NRXN3: variants seen among roughly 807,000 people sequenced by gnomAD.
The protein encoded by NRXN3 is neurexin 3.
In NRXN3, 32 loss-of-function variants were observed where a neutral mutation model predicts 137.6. The observed-to-expected ratio is 0.23, with a 90% CI of 0.18 to 0.31. NRXN3 has a LOEUF of 0.31. NRXN3 is among the 10% of genes least tolerant of loss of function. NRXN3 has a pLI of 1.00. For synonymous variants in NRXN3, 798 were observed against 784.5 expected, an observed-to-expected ratio of 1.02 and a Z score of -0.29; for missense variants, 1,574 against 2,062.5, an observed-to-expected ratio of 0.76 and a Z score of 4.59.
chr14:78,836,789 T>A (rs1241720169), intron 10 of NRXN3, among the ~76,000 whole-genome samples: 1 of 152,204 alleles, frequency 6.6e-6, no homozygotes, highest in Non-Finnish European at 1.5e-5. Flanking sequence ...ATTTACTTTA[T>A]TTAAATACTT....
chr14:79,504,645 ATATATATATG>A (rs1567316784), intron 16 of NRXN3, among the ~76,000 whole-genome samples: 23 of 111,830 alleles, frequency 2.1e-4, no homozygotes, highest in South Asian at 6.2e-4. Flanking sequence ...AGTTTTTTAT[ATATATATATG>A]TATATATATA....
intron 19 of NRXN3, among the ~76,000 whole-genome samples, chr14:79,743,359 T>G (rs2098969095): frequency 6.6e-6 from 1 of 152,162 alleles, no homozygotes; most frequent in African/African-American, 2.4e-5. Context: ...GAGGTGGAGT[T>G]GCTTAGGGAA....
At chr14:79,301,046 G>A (rs2085056824) in intron 15 of NRXN3, among the ~76,000 whole-genome samples, 2 of 152,022 alleles carry the variant, frequency 1.3e-5, no homozygotes, top group South Asian at 2.1e-4. Context: ...TAGTTGCAGG[G>A]ACATAATTAC....
At chr14:78,582,502 G>T (rs2097011877) in intron 4 of NRXN3, among the ~76,000 whole-genome samples, 1 of 152,192 alleles carries the variant, frequency 6.6e-6, no homozygotes, top group Non-Finnish European at 1.5e-5. Context: ...CTTAAGAGGT[G>T]ATTAGGCCAC....
At chr14:79,073,821 CA>C (rs1486218699) in intron 15 of NRXN3, among the ~76,000 whole-genome samples, 5 of 152,126 alleles carry the variant, frequency 3.3e-5, no homozygotes, top group African/African-American at 1.2e-4. Context: ...ATCAAGAAAA[CA>C]TTTTCTCAAG....
intron 4 of NRXN3, among the ~76,000 whole-genome samples, chr14:78,580,219 G>T (rs749961030): frequency 8.5e-5 from 13 of 152,106 alleles, no homozygotes; most frequent in South Asian, 2.1e-4. Flanking sequence ...AATATTAGGA[G>T]GTGGAGACAC....
At chr14:78,888,846 CAT>C (rs911750303) in intron 10 of NRXN3, among the ~76,000 whole-genome samples, 11 of 132,264 alleles carry the variant, frequency 8.3e-5, no homozygotes, top group African/African-American at 3.7e-4. Flanking sequence ...TAATCACACA[CAT>C]ACACACACAC....
At chr14:79,756,281 T>C (rs1443749572) in intron 19 of NRXN3, among the ~76,000 whole-genome samples, 1 of 152,212 alleles carries the variant, frequency 6.6e-6, no homozygotes, top group African/African-American at 2.4e-5. Flanking sequence ...AGATACACTT[T>C]CCTTCTTCCT....
At position 79,153,093 on chromosome 14, in the gene NRXN3, C is replaced by T. The variant is rs112657744; in HGVS notation, c.3262+164952C>T. On this transcript the variant is annotated intron_variant, in intron 15 of 20. Coordinates refer to ENST00000335750, the MANE Select transcript of NRXN3 (RefSeq NM_001330195.2). ...TGTTTCCTGATTTGGGAAGGATGGG[C>T]AAGGAGGTGGAGAATGAGCTTCCAA... 1.6e-3 allele frequency among the ~76,000 whole-genome samples: 247 copies of T among 151,976 alleles called. 1 individual carries two copies. The highest frequency in any genetic ancestry group is 6.8e-3 in the Middle Eastern group (2 of 294).
At chr14:79,616,321 G>T (rs904493059) in intron 16 of NRXN3, among the ~76,000 whole-genome samples, 4 of 152,054 alleles carry the variant, frequency 2.6e-5, no homozygotes, top group Non-Finnish European at 5.9e-5. Context: ...TCTTTAAGGG[G>T]TACATTTGGC....
At chr14:78,569,516 C>T (rs151311817) in intron 4 of NRXN3, among the ~76,000 whole-genome samples, 24 of 151,996 alleles carry the variant, frequency 1.6e-4, no homozygotes, top group African/African-American at 5.6e-4. Flanking sequence ...CCACCCATCT[C>T]GGCCTCCCAA....
intron 4 of NRXN3, among the ~76,000 whole-genome samples, chr14:78,591,135 A>AAAGCAT (rs2097112388): frequency 1.3e-5 from 2 of 152,166 alleles, no homozygotes; most frequent in Non-Finnish European, 2.9e-5. Flanking sequence ...TGTCCCCACA[A>AAAGCAT]AAGCATCCCA....
At chr14:78,293,697 T>G (rs1209121680) in intron 3 of NRXN3, among the ~76,000 whole-genome samples, 1 of 152,222 alleles carries the variant, frequency 6.6e-6, no homozygotes, top group African/African-American at 2.4e-5. Context: ...ACATCTTCCT[T>G]GGGTTTTTCT....
chr14:78,763,651 G>C (rs539795787), intron 8 of NRXN3, among the ~76,000 whole-genome samples: 1 of 152,220 alleles, frequency 6.6e-6, no homozygotes, highest in East Asian at 1.9e-4. Flanking sequence ...CCCAGATGGA[G>C]GATATAGAGT....
chr14:79,204,837 C>T (rs2066565116), intron 15 of NRXN3, among the ~76,000 whole-genome samples: 1 of 152,148 alleles, frequency 6.6e-6, no homozygotes, highest in African/African-American at 2.4e-5. Context: ...CCTTAGAAAT[C>T]ACTGCTTTTT....
intron 10 of NRXN3, among the ~76,000 whole-genome samples, chr14:78,915,793 T>G (rs1402337105): frequency 6.6e-6 from 1 of 152,032 alleles, no homozygotes; most frequent in Non-Finnish European, 1.5e-5. Flanking sequence ...CTTTTCAGTA[T>G]ATGAAAGCAG....
intron 1 of NRXN3, among the ~76,000 whole-genome samples, chr14:78,225,976 T>TGTGTGTGTTG (rs2064550323): frequency 1.3e-4 from 14 of 106,754 alleles, no homozygotes; most frequent in Admixed American, 4.6e-4. Context: ...TGTGTGTTGG[T>TGTGTGTGTTG]GTGTGTGTGT....
At chr14:79,351,122 A>G (rs969813085) in intron 15 of NRXN3, among the ~76,000 whole-genome samples, 2 of 152,224 alleles carry the variant, frequency 1.3e-5, no homozygotes, top group African/African-American at 4.8e-5. Flanking sequence ...CCTCCAAAGT[A>G]TCAGATTTCT....
intron 10 of NRXN3, among the ~76,000 whole-genome samples, chr14:78,883,915 T>C (rs1596939643): frequency 1.3e-5 from 2 of 152,222 alleles, no homozygotes; most frequent in East Asian, 3.8e-4. Flanking sequence ...CCTTTTATAG[T>C]TGGATAGATT....
Sources: allele counts gnomAD v4.1 joint callset (sites outside exome capture counted in the v4.1 genomes callset), GRCh38; gene constraint gnomAD v4.1.1; transcripts MANE v1.5; gene names NCBI Gene and HGNC (gene_info 2026-07-23, HGNC 2026-07-21).